GRID2: variants seen among roughly 807,000 people sequenced by gnomAD.
The protein encoded by GRID2 is glutamate ionotropic receptor delta type subunit 2.
A neutral mutation model predicts 114.8 loss-of-function variants in GRID2; 33 were observed. The ratio of observed to expected loss-of-function variants is 0.29; its 90% CI spans 0.22 to 0.38. The LOEUF is 0.38. GRID2 is among the 10% of genes least tolerant of loss of function. The pLI is 1.00. For missense variants in GRID2, 1,184 were observed against 1,257.7 expected, an observed-to-expected ratio of 0.94 and a Z score of 0.89; for synonymous variants, 505 against 449.9, an observed-to-expected ratio of 1.12 and a Z score of -1.55.
intron 8 of GRID2, chr4:93,302,782 G>C (rs1010416956): frequency 3.1e-6 from 1 of 323,324 alleles, no homozygotes; most frequent in African/African-American, 2.2e-5. Flanking sequence ...ATTTTAAAGA[G>C]AGACTAATTA....
chr4:93,167,245 T>C (rs1029713885), intron 4 of GRID2, among the ~76,000 whole-genome samples: 2 of 152,172 alleles, frequency 1.3e-5, no homozygotes, highest in African/African-American at 4.8e-5. Flanking sequence ...GACAAATTCA[T>C]ACTCTAGAGG....
chr4:92,384,460 ATATATATATATATATATATTATT>A (rs1729779454), intron 1 of GRID2, among the ~76,000 whole-genome samples: 1 of 50,140 alleles, frequency 2.0e-5, no homozygotes, highest in Non-Finnish European at 3.4e-5. Context: ...ATATATATAT[ATATATATATATATATATATTATT>A]TATATATAAT....
chr4:92,885,115 A>G, intron 2 of GRID2: 1 of 315,180 alleles, frequency 3.2e-6, no homozygotes. Flanking sequence ...AAATTTAAGT[A>G]AGTTAAACTT....
chr4:93,345,629 A>T (rs1333708684), intron 8 of GRID2, among the ~76,000 whole-genome samples: 1 of 151,822 alleles, frequency 6.6e-6, no homozygotes. Context: ...TTGCTTGAGG[A>T]AGCTTTTTGG....
intron 11 of GRID2, among the ~76,000 whole-genome samples, chr4:93,478,843 C>T (rs1204029620): frequency 6.6e-6 from 1 of 152,000 alleles, no homozygotes. Context: ...TCAGAGAAGT[C>T]TACAGGAAAT....
intron 2 of GRID2, among the ~76,000 whole-genome samples, chr4:92,698,285 A>T (rs897789778): frequency 2.0e-4 from 31 of 152,170 alleles, no homozygotes; most frequent in Non-Finnish European, 2.9e-5. Context: ...TTTCACAGAA[A>T]TGGTAAAGAA....
intron 1 of GRID2, among the ~76,000 whole-genome samples, chr4:92,566,699 A>T (rs1727352664): frequency 6.6e-6 from 1 of 152,082 alleles, no homozygotes; most frequent in African/African-American, 2.4e-5. Context: ...TGTTTTATTC[A>T]CACTAAAAGC....
At chr4:93,674,504 A>G (rs553332926) in intron 14 of GRID2, among the ~76,000 whole-genome samples, 2 of 152,324 alleles carry the variant, frequency 1.3e-5, no homozygotes, top group African/African-American at 4.8e-5. Context: ...GTGTGAATGT[A>G]TAAGCACTCA....
chr4:92,904,700 AC>A (rs1193783432), intron 2 of GRID2, among the ~76,000 whole-genome samples: 6 of 152,060 alleles, frequency 3.9e-5, no homozygotes, highest in African/African-American at 1.4e-4. Context: ...CAAGGGCCAA[AC>A]AAATTAAGAA....
intron 9 of GRID2, 125 bp downstream of exon 9, chr4:93,395,833 G>T: frequency 2.0e-6 from 1 of 500,496 alleles, no homozygotes; most frequent in Non-Finnish European, 3.7e-6. Flanking sequence ...CGCTTTCTAA[G>T]ATTTTTTAAT....
chr4:93,295,271 G>A (rs73837780), intron 8 of GRID2, among the ~76,000 whole-genome samples: 8,238 of 152,172 alleles, frequency 0.054, 756 homozygotes, highest in African/African-American at 0.19. Context: ...AGGTCCAAAT[G>A]TGGAGTCTTG....
At chr4:93,172,211 A>G (rs1472327043) in intron 4 of GRID2, among the ~76,000 whole-genome samples, 1 of 152,130 alleles carries the variant, frequency 6.6e-6, no homozygotes, top group East Asian at 1.9e-4. Flanking sequence ...TAGTCAAAGG[A>G]CCTGCTAATG....
intron 2 of GRID2, among the ~76,000 whole-genome samples, chr4:93,061,193 C>CTTTT (rs1171293153): frequency 1.7e-4 from 18 of 104,082 alleles, no homozygotes; most frequent in South Asian, 9.6e-4. Context: ...TCAGGTTTTT[C>CTTTT]TTGTTTTTTT....
chr4:93,018,096 A>G (rs974665952), intron 2 of GRID2, among the ~76,000 whole-genome samples: 1 of 151,706 alleles, frequency 6.6e-6, no homozygotes, highest in Non-Finnish European at 1.5e-5. Context: ...ACTTTTTCTC[A>G]AGGAAAGAGA....
At chr4:93,209,112 T>A (rs1428142862) in intron 5 of GRID2, among the ~76,000 whole-genome samples, 1 of 151,964 alleles carries the variant, frequency 6.6e-6, no homozygotes, top group African/African-American at 2.4e-5. Context: ...GTTTTTAGCT[T>A]TTAAGTTCAG....
At chr4:93,245,662 T>C (rs1748125995) in intron 8 of GRID2, among the ~76,000 whole-genome samples, 1 of 152,192 alleles carries the variant, frequency 6.6e-6, no homozygotes, top group Admixed American at 6.5e-5. Flanking sequence ...CTGTTAGACA[T>C]ACCTGGGTTG....
chr4:93,406,244 G>A (rs1766401713), intron 9 of GRID2, among the ~76,000 whole-genome samples: 2 of 152,084 alleles, frequency 1.3e-5, no homozygotes, highest in Admixed American at 6.6e-5. Flanking sequence ...TGGTAGAAAT[G>A]GACTTTGATA....
intron 2 of GRID2, among the ~76,000 whole-genome samples, chr4:93,081,288 A>T (rs531658079): frequency 3.9e-5 from 6 of 152,308 alleles, no homozygotes; most frequent in Admixed American, 1.3e-4. Context: ...CTGAGTTCTC[A>T]TTTTCAGTAA....
At chr4:92,739,900 TCAATC>T (rs1218196007) in intron 2 of GRID2, among the ~76,000 whole-genome samples, 4 of 152,146 alleles carry the variant, frequency 2.6e-5, no homozygotes, top group Admixed American at 6.6e-5. Context: ...ATAAGAATAA[TCAATC>T]CAATTAAGTA....
Sources: allele counts gnomAD v4.1 joint callset (sites outside exome capture counted in the v4.1 genomes callset), GRCh38; gene constraint gnomAD v4.1.1; transcripts MANE v1.5; gene names NCBI Gene and HGNC (gene_info 2026-07-23, HGNC 2026-07-21).